Variants in TTC28 observed in about 807,000 individuals in gnomAD.
The protein encoded by TTC28 is tetratricopeptide repeat protein 28.
Under a neutral mutation model 198.0 loss-of-function variants are expected in TTC28, and 61 were observed. The ratio of observed to expected loss-of-function variants is 0.31; its 90% CI spans 0.25 to 0.38. The LOEUF (loss-of-function observed/expected upper bound fraction) is 0.38, where lower values mean the gene tolerates loss of function less well. Among genes scored for constraint, TTC28 ranks in the 10% least tolerant of loss-of-function variants. TTC28 has a pLI of 1.00. For missense variants in TTC28, 2,678 were observed against 3,164.0 expected (o/e 0.85, Z 3.69); for synonymous variants, 1,171 against 1,297.8 (o/e 0.90, Z 2.10).
chr22:28,251,297 C>CT (rs1930490879), intron 5 of TTC28, among the ~76,000 whole-genome samples: 2 of 152,102 alleles, frequency 1.3e-5, no homozygotes, highest in African/African-American at 4.8e-5. Flanking sequence ...AGGAGTCAGC[C>CT]AAATCATACT....
intron 2 of TTC28, among the ~76,000 whole-genome samples, chr22:28,430,389 A>G (rs185589499): frequency 1.7e-3 from 253 of 152,302 alleles, no homozygotes; most frequent in Non-Finnish European, 2.9e-3. Context: ...TGTGCTACAG[A>G]TCTCAAACTG....
At chr22:28,615,139 G>A (rs900412215) in intron 2 of TTC28, among the ~76,000 whole-genome samples, 8 of 152,086 alleles carry the variant, frequency 5.3e-5, no homozygotes, top group African/African-American at 1.4e-4. Context: ...AGTGGACAAA[G>A]GATATGAACA....
At chr22:28,072,485 T>A (rs1297595720) in intron 12 of TTC28, among the ~76,000 whole-genome samples, 1 of 152,130 alleles carries the variant, frequency 6.6e-6, no homozygotes, top group Non-Finnish European at 1.5e-5. Context: ...CCAACAAGTA[T>A]CCATTAGGGT....
At chr22:28,361,977 TTGA>T (rs1248441985) in intron 2 of TTC28, among the ~76,000 whole-genome samples, 1 of 152,178 alleles carries the variant, frequency 6.6e-6, no homozygotes, top group Admixed American at 6.5e-5. Context: ...CAAAAGAAGA[TTGA>T]TTTCTTTTCA....
intron 5 of TTC28, among the ~76,000 whole-genome samples, chr22:28,219,235 G>A (rs1052025502): frequency 4.6e-5 from 7 of 152,132 alleles, no homozygotes; most frequent in South Asian, 2.1e-4. Context: ...TCGTCTGGGC[G>A]TGGTGGCTCA....
At chr22:28,577,650 T>C (rs2050171903) in intron 2 of TTC28, among the ~76,000 whole-genome samples, 1 of 152,274 alleles carries the variant, frequency 6.6e-6, no homozygotes, top group South Asian at 2.1e-4. Context: ...TGCCCCAGTG[T>C]TGGGTATATA....
chr22:28,491,328 C>T (rs2048373964), intron 2 of TTC28, among the ~76,000 whole-genome samples: 2 of 152,126 alleles, frequency 1.3e-5, no homozygotes, highest in African/African-American at 4.8e-5. Context: ...AGGCAACCTA[C>T]AGAATGGGAG....
intron 12 of TTC28, among the ~76,000 whole-genome samples, chr22:28,050,033 A>G (rs1184943340): frequency 1.3e-5 from 2 of 152,094 alleles, no homozygotes; most frequent in East Asian, 3.9e-4. Flanking sequence ...TCCTACTTGC[A>G]TATTACCATG....
At chr22:28,161,476 T>G (rs1436490247) in intron 6 of TTC28, among the ~76,000 whole-genome samples, 1 of 152,078 alleles carries the variant, frequency 6.6e-6, no homozygotes, top group African/African-American at 2.4e-5. Context: ...AGTGAGACCA[T>G]GACTCTACTA....
intron 12 of TTC28, among the ~76,000 whole-genome samples, chr22:28,083,408 A>C (rs1411008406): frequency 1.3e-5 from 2 of 152,342 alleles, no homozygotes; most frequent in East Asian, 3.9e-4. Flanking sequence ...AGGCTCTGAC[A>C]CTGGGGTTTT....
At chr22:28,348,505 A>G (rs143539495) in intron 2 of TTC28, among the ~76,000 whole-genome samples, 3 of 152,302 alleles carry the variant, frequency 2.0e-5, no homozygotes, top group Admixed American at 6.5e-5. Flanking sequence ...TACAGATTTT[A>G]TAACATCCTT....
intron 2 of TTC28, among the ~76,000 whole-genome samples, chr22:28,548,291 C>A (rs2049586540): frequency 6.6e-6 from 1 of 152,120 alleles, no homozygotes. Flanking sequence ...TATGTTTTAA[C>A]CATGAGCAAA....
intron 5 of TTC28, among the ~76,000 whole-genome samples, chr22:28,224,686 G>A (rs1049661083): frequency 1.3e-5 from 2 of 152,128 alleles, no homozygotes; most frequent in South Asian, 2.1e-4. Context: ...GGGGTCATGG[G>A]GGCAGGGAGA....
At chr22:28,502,464 C>A (rs1188131167) in intron 2 of TTC28, among the ~76,000 whole-genome samples, 2 of 139,544 alleles carry the variant, frequency 1.4e-5, no homozygotes, top group Admixed American at 1.5e-4. Context: ...CACGGTGAAA[C>A]CCTGTCTCTA....
At chr22:28,557,850 C>T (rs1173072018) in intron 2 of TTC28, among the ~76,000 whole-genome samples, 2 of 152,142 alleles carry the variant, frequency 1.3e-5, no homozygotes, top group Non-Finnish European at 2.9e-5. Flanking sequence ...CTCTGGTTCC[C>T]TTCAAGTGTC....
At chr22:28,121,010 G>C (rs996151092) in intron 6 of TTC28, among the ~76,000 whole-genome samples, 7 of 152,178 alleles carry the variant, frequency 4.6e-5, no homozygotes, top group Non-Finnish European at 8.8e-5. Context: ...ACACTGAAAG[G>C]AGCAAAATGG....
At chr22:28,484,117 T>TTTTTG (rs998995316) in intron 2 of TTC28, among the ~76,000 whole-genome samples, 39 of 152,084 alleles carry the variant, frequency 2.6e-4, no homozygotes, top group African/African-American at 6.3e-4. Context: ...GTTTATTTTG[T>TTTTTG]TTTTGTTTTG....
intron 17 of TTC28, among the ~76,000 whole-genome samples, 184 bp downstream of exon 17, chr22:27,995,951 A>G (rs1158873330): frequency 6.6e-6 from 1 of 152,146 alleles, no homozygotes; most frequent in Non-Finnish European, 1.5e-5. Context: ...TTGCTGGGAC[A>G]TGGGTCTCCC....
At chr22:28,123,998 T>A (rs561789624) in intron 6 of TTC28, among the ~76,000 whole-genome samples, 60 of 151,960 alleles carry the variant, frequency 3.9e-4, no homozygotes, top group African/African-American at 1.3e-3. Flanking sequence ...AAAGAAAAAA[T>A]ATATATTTTT....
Sources: allele counts gnomAD v4.1 joint callset (sites outside exome capture counted in the v4.1 genomes callset), GRCh38; gene constraint gnomAD v4.1.1; transcripts MANE v1.5; gene names NCBI Gene and HGNC (gene_info 2026-07-23, HGNC 2026-07-21).